S100A1: variants seen among roughly 807,000 people sequenced by gnomAD.
S100A1 encodes the protein S100 calcium binding protein A1, also known as protein S100-A1.
A neutral mutation model predicts 7.6 loss-of-function variants in S100A1; 3 were observed. The ratio of observed to expected loss-of-function variants is 0.40; its 90% CI spans 0.18 to 1.02. The LOEUF is 1.02. Among genes scored for constraint, S100A1 ranks in the 50% least tolerant of loss-of-function variants. S100A1 has a pLI of 0.35. For missense variants in S100A1, 126 were observed against 115.0 expected, an observed-to-expected ratio of 1.10 and a Z score of -0.44; for synonymous variants, 49 against 49.0, an observed-to-expected ratio of 1.00 and a Z score of 0.00.
At chr1:153,630,128 T>TA (rs1426424022) in intron 1 of S100A1, 1 of 323,050 alleles carries the variant, frequency 3.1e-6, no homozygotes, top group African/African-American at 2.1e-5. Context: ...AGGGTAAAAA[T>TA]AGAGCCAGAG....
intron 1 of S100A1, chr1:153,628,880 C>T (rs758722265): frequency 9.3e-6 from 2 of 214,150 alleles, no homozygotes; most frequent in African/African-American, 2.3e-5. Flanking sequence ...AAGAAGAGAG[C>T]AGATACAACA....
chr1:153,631,141 G>C (rs1307391250), intron 2 of S100A1: 1 of 321,658 alleles, frequency 3.1e-6, no homozygotes, highest in Non-Finnish European at 5.7e-6. Flanking sequence ...GGAGAAAGAA[G>C]AATGTGGAGC....
chr1:153,631,980 A>C lies in S100A1; in HGVS notation c.*139A>C. 1 of 907,768 alleles carries C rather than the reference A, an allele frequency of 1.1e-6. No homozygotes were observed. The highest frequency in any genetic ancestry group is 1.7e-5 in the South Asian group (1 of 57,228). 56.2% of individuals were successfully genotyped at this position (907,768 alleles called of 1,614,324 possible). On this transcript the variant is annotated 3_prime_UTR_variant, in exon 3 of 3. Coordinates refer to ENST00000292169, the MANE Select transcript of S100A1 (RefSeq NM_006271.2). ...CCACCCCCACCCCCACCAAGGGCGCAAGAGTAGCGGTCCAAGCCTGCAACT... is the reference window on the plus strand; with the variant it reads ...CCACCCCCACCCCCACCAAGGGCGCCAGAGTAGCGGTCCAAGCCTGCAACT...
At chr1:153,631,604 A>C in intron 2 of S100A1, 94 bp from the exon 3 acceptor site, 1 of 1,613,782 alleles carries the variant, frequency 6.2e-7, no homozygotes, top group Non-Finnish European at 8.5e-7. Flanking sequence ...CCTCTCGCTC[A>C]TCTTTGCCTC....
rs771796783 is a variant in S100A1, at chr1:153,630,599, G to C, written c.78G>C (p.Lys26Asn). ...CCCACTCGGGCAAAGAGGGGGACAA[G>C]TACAAGCTGAGCAAGAAGGAGCTGA... ...FHAHSGKEGD[K>N]YKLSKKELKE... The change falls in exon 2 of 3, where the codon AAG becomes AAC. Residue 26 changes from lysine to asparagine, a missense_variant. By Grantham distance (94) the Lys-to-Asn change is moderately conservative. Transcript: ENST00000292169. The C allele has an allele frequency of 1.9e-6, 3 of 1,614,278 alleles. No homozygotes were observed. The highest frequency in any genetic ancestry group is 1.7e-5 in the Admixed American group (1 of 60,028).
In S100A1 at chr1:153,630,868, T is replaced by C. The variant is rs1667973207; in HGVS notation, c.141+206T>C. 8.4e-6 allele frequency: 5 copies of C among 597,210 alleles called. 1 individual carries two copies. The South Asian group carries it at 1.1e-4, about 14-fold the overall frequency. 37.0% of individuals were successfully genotyped at this position (597,210 alleles called of 1,614,324 possible). A position where few individuals can be genotyped will look rare whatever the true frequency, so the allele number is the denominator to read the frequency against. ...CCTGGTTTATTGATCACCTGTTAAGTGTTAGGCCCTGTGTAGATTCATCAA... is the reference window on the plus strand; with the variant it reads ...CCTGGTTTATTGATCACCTGTTAAGCGTTAGGCCCTGTGTAGATTCATCAA... On this transcript the variant is annotated intron_variant, in intron 2 of 2. Coordinates refer to ENST00000292169, the MANE Select transcript of S100A1 (RefSeq NM_006271.2).
chr1:153,631,506 T>C, intron 2 of S100A1, 192 bp from the exon 3 acceptor site: 1 of 1,612,130 alleles, frequency 6.2e-7, no homozygotes, highest in Non-Finnish European at 8.5e-7. Context: ...TTATTCATTC[T>C]GCCAGGTGAA....
chr1:153,628,574 G>A, intron 1 of S100A1, 78 bp downstream of exon 1: 1 of 1,533,958 alleles, frequency 6.5e-7, no homozygotes, highest in South Asian at 1.2e-5. Context: ...GCTCCAAGAG[G>A]CTGGGGACCA....
rs756150979 is a variant in S100A1 at position 153,630,663 on chromosome 1, G to A, written c.141+1G>A. Reference sequence around the variant, plus strand: ...GACGGAGCTCTCTGGCTTCCTGGATGTGAGCATAGAGTGGTGGAGTGGGAG... The same window carrying A: ...GACGGAGCTCTCTGGCTTCCTGGATATGAGCATAGAGTGGTGGAGTGGGAG... On this transcript the variant is annotated splice_donor_variant, in intron 2 of 2. Transcript: ENST00000292169. LOFTEE classifies it high-confidence loss of function. 6 of 1,614,146 alleles carry A rather than the reference G, an allele frequency of 3.7e-6. No homozygotes were observed. The highest frequency in any genetic ancestry group is 2.2e-5 in the East Asian group (1 of 44,890).
At position 153,628,651 on chromosome 1, in the gene S100A1, G is replaced by C. The variant is rs912659787; in HGVS notation, c.-14+155G>C. 8 of 1,302,744 alleles carry C rather than the reference G, an allele frequency of 6.1e-6. No individual in the cohort carries two copies. The African/African-American group carries it at 1.0e-4, about 17-fold the overall frequency. 80.7% of individuals were successfully genotyped at this position (1,302,744 alleles called of 1,614,324 possible). On this transcript the variant is annotated intron_variant, in intron 1 of 2. Coordinates refer to ENST00000292169, the MANE Select transcript of S100A1 (RefSeq NM_006271.2). ...GGTGAGGGCAGTTTGGGATTTGGGG[G>C]AGACAGGGTTTGGAAGGTGGTGATG... is the stretch of plus-strand genomic sequence containing the variant.
At position 153,631,920 on chromosome 1, in the gene S100A1, A is replaced by G; in HGVS notation, c.*79A>G. The G allele has an allele frequency of 6.5e-7, 1 of 1,545,078 alleles. No homozygotes were observed. Among genetic ancestry groups the G allele is most frequent in the Non-Finnish European group, 8.7e-7 (1 of 1,143,158 alleles). Reference sequence around the variant, plus strand: ...CTTCCCCCTGCTTCCACCTCACCCCACTTATCCCTCTCCATAACCCCACCC... The same window carrying G: ...CTTCCCCCTGCTTCCACCTCACCCCGCTTATCCCTCTCCATAACCCCACCC... On this transcript the variant is annotated 3_prime_UTR_variant, in exon 3 of 3. Coordinates refer to ENST00000292169, the MANE Select transcript of S100A1 (RefSeq NM_006271.2).
intron 1 of S100A1, chr1:153,629,286 C>T (rs1234155396): frequency 6.6e-6 from 1 of 152,276 alleles, no homozygotes; most frequent in African/African-American, 2.4e-5. Context: ...ACCCCTTATC[C>T]CCTCATCAGC....
intron 2 of S100A1, 22 bp downstream of exon 2, chr1:153,630,684 G>A: frequency 6.2e-7 from 1 of 1,612,246 alleles, no homozygotes; most frequent in Non-Finnish European, 8.5e-7. Context: ...GTGGTGGAGT[G>A]GGAGTGGAGT....
intron 1 of S100A1, chr1:153,630,297 C>A: frequency 3.4e-6 from 2 of 587,946 alleles, no homozygotes; most frequent in Non-Finnish European, 2.9e-6. Flanking sequence ...GGCTGGGGTA[C>A]AGACTGAGGG....
rs1325471780 is a variant in S100A1, at chr1:153,629,253, C to T, written c.-14+757C>T. 5 of 152,286 alleles carry T rather than the reference C, an allele frequency of 3.3e-5. No individual in the cohort carries two copies. The East Asian group carries it at 9.6e-4, about 29-fold the overall frequency. 9.4% of individuals were successfully genotyped at this position (152,286 alleles called of 1,614,324 possible). A position where few individuals can be genotyped will look rare whatever the true frequency, so the allele number is the denominator to read the frequency against. On this transcript the variant is annotated intron_variant, in intron 1 of 2. Coordinates refer to ENST00000292169, the MANE Select transcript of S100A1 (RefSeq NM_006271.2). ...CTCTGGCATGGAGCAGGTAATCAAGCTACCAGCACCCCTCCCTCAAGCACC... is the reference window on the plus strand; with the variant it reads ...CTCTGGCATGGAGCAGGTAATCAAGTTACCAGCACCCCTCCCTCAAGCACC...
chr1:153,630,691 G>A, intron 2 of S100A1, 29 bp downstream of exon 2: 5 of 1,611,644 alleles, frequency 3.1e-6, no homozygotes, highest in Non-Finnish European at 4.2e-6. Flanking sequence ...AGTGGGAGTG[G>A]AGTGGGTGAA....
At chr1:153,630,777 C>CTTTCCCAGGCTTCTCTCCTGGT in intron 2 of S100A1, 115 bp downstream of exon 2, 1 of 1,362,222 alleles carries the variant, frequency 7.3e-7, no homozygotes, top group Non-Finnish European at 9.9e-7. Flanking sequence ...TCTTTCTTTC[C>CTTTCCCAGGCTTCTCTCCTGGT]TTTCCCAGGC....
chr1:153,630,671 A>G lies in S100A1; in HGVS notation c.141+9A>G, dbSNP rs373265462. 1.9e-6 allele frequency: 3 copies of G among 1,613,820 alleles called. No individual in the cohort carries two copies. The highest frequency in any genetic ancestry group is 2.5e-6 in the Non-Finnish European group (3 of 1,179,792). ...TCTCTGGCTTCCTGGATGTGAGCAT[A>G]GAGTGGTGGAGTGGGAGTGGAGTGG... is the stretch of plus-strand genomic sequence containing the variant. On this transcript the variant is annotated intron_variant, in intron 2 of 2. Coordinates refer to ENST00000292169, the MANE Select transcript of S100A1 (RefSeq NM_006271.2).
intron 2 of S100A1, chr1:153,631,437 C>T: frequency 6.5e-7 from 1 of 1,547,516 alleles, no homozygotes; most frequent in South Asian, 1.2e-5. Context: ...GCTTGTAAAG[C>T]TCCTAGTGTA....
Sources: allele counts gnomAD v4.1 joint callset, GRCh38; gene constraint gnomAD v4.1.1; transcripts MANE v1.5; gene names NCBI Gene and HGNC (gene_info 2026-07-23, HGNC 2026-07-21).